Variants in ABCG1 observed in about 807,000 individuals in gnomAD.
The protein encoded by ABCG1 is ATP binding cassette subfamily G member 1, also known as ATP-binding cassette sub-family G member 1.
In ABCG1, 29 loss-of-function variants were observed where a neutral mutation model predicts 69.2. That is an observed-to-expected ratio of 0.42 (90% CI 0.31 to 0.57). The LOEUF (loss-of-function observed/expected upper bound fraction) is 0.57, where lower values mean the gene tolerates loss of function less well. ABCG1 is among the 20% of genes least tolerant of loss of function. ABCG1 has a pLI of 0.15. For synonymous variants in ABCG1, 370 were observed against 374.8 expected, an observed-to-expected ratio of 0.99 and a Z score of 0.15; for missense variants, 718 against 898.1, an observed-to-expected ratio of 0.80 and a Z score of 2.56.
intron 2 of ABCG1, among the ~76,000 whole-genome samples, chr21:42,270,164 G>A (rs1172073250): frequency 2.0e-5 from 3 of 151,224 alleles, no homozygotes; most frequent in African/African-American, 4.9e-5. Flanking sequence ...GGAGGCTGAG[G>A]CAGGAGAATG....
At chr21:42,279,267 G>C (rs756726501) in intron 5 of ABCG1, among the ~76,000 whole-genome samples, 1 of 152,172 alleles carries the variant, frequency 6.6e-6, no homozygotes, top group African/African-American at 2.4e-5. Flanking sequence ...AGAGGGAGGC[G>C]CTGGAGAGAG....
chr21:42,245,552 C>A (rs1315420828), intron 2 of ABCG1, among the ~76,000 whole-genome samples: 2 of 152,264 alleles, frequency 1.3e-5, no homozygotes, highest in African/African-American at 4.8e-5. Flanking sequence ...TGGCCAACCA[C>A]GGGGACAGGA....
chr21:42,251,957 G>T (rs2068229142), intron 2 of ABCG1, among the ~76,000 whole-genome samples: 1 of 152,234 alleles, frequency 6.6e-6, no homozygotes, highest in Admixed American at 6.5e-5. Context: ...AAGGACCAGG[G>T]AAGCTCAGGA....
At position 42,219,291 on chromosome 21, in the gene ABCG1, T is replaced by C. The variant is rs2123492080; in HGVS notation, c.29T>C (p.Val10Ala). ...GCCTGTCTGATGGCCGCTTTCTCGG[T>C]CGGCACCGCCATGGTGAGTGAGCGC... The part of the protein sequence containing the change: MACLMAAFS[V>A]GTAMNASSYS... Residue 10 changes from valine to alanine, a missense_variant, in exon 1 of 15, where the codon GTC (valine) becomes GCC (alanine). Physicochemically the swap from Val to Ala is moderately conservative, Grantham distance 64. Around this residue, in one of 2 missense-constraint regions of ABCG1, gnomAD observed 514 missense variants for 574.3 expected, o/e 0.90. Transcript: ENST00000398449. This position sits in a 1 kb window ranked among gnomAD's most constrained non-coding sequence, Gnocchi z 5.3. 6.3e-7 allele frequency: 1 copy of C among 1,593,238 alleles called. No homozygotes were observed. The highest frequency in any genetic ancestry group is 8.5e-7 in the Non-Finnish European group (1 of 1,174,100).
In ABCG1 at chr21:42,287,586, G is replaced by T. The variant is rs992082387; in HGVS notation, c.974-303G>T. On this transcript the variant is annotated intron_variant, in intron 8 of 14. Coordinates refer to ENST00000398449, the MANE Select transcript of ABCG1 (RefSeq NM_016818.3). This position sits in a 1 kb window ranked among gnomAD's most constrained non-coding sequence, Gnocchi z 6.2. ...CACCTTGGAGGCTGGCCCAGAGCAGGCATTCAGTAAGTACCGGCTGGATGA... is the reference window on the plus strand; with the variant it reads ...CACCTTGGAGGCTGGCCCAGAGCAGTCATTCAGTAAGTACCGGCTGGATGA... Among the ~76,000 whole-genome samples, 1 of 152,180 alleles carries T rather than the reference G, an allele frequency of 6.6e-6. No individual in the cohort carries two copies. Among genetic ancestry groups the T allele is most frequent in the African/African-American group, 2.4e-5 (1 of 41,448 alleles).
chr21:42,246,229 T>G (rs2068132356), intron 2 of ABCG1, among the ~76,000 whole-genome samples: 1 of 152,368 alleles, frequency 6.6e-6, no homozygotes, highest in South Asian at 2.1e-4. Flanking sequence ...AATGCACCAG[T>G]TTCTACAGAG....
intron 2 of ABCG1, chr21:42,260,211 C>T (rs1317277865): frequency 2.6e-6 from 4 of 1,545,914 alleles, no homozygotes; most frequent in Non-Finnish European, 1.7e-6. Context: ...AGTAGATGCT[C>T]ACTTCAACCC....
chr21:42,286,775 A>G (rs1228731673), intron 8 of ABCG1, among the ~76,000 whole-genome samples: 4 of 152,220 alleles, frequency 2.6e-5, no homozygotes, highest in Admixed American at 1.3e-4. Flanking sequence ...GTGGGGATGC[A>G]GAGAGGTCCT....
Position 42,291,677 on chromosome 21 carries a change from A to C in ABCG1, c.1653+21A>C, listed in dbSNP as rs2069064779. On this transcript the variant is annotated intron_variant, in intron 13 of 14. Transcript: ENST00000398449. This position sits in a 1 kb window ranked among gnomAD's most constrained non-coding sequence, Gnocchi z 6.4. Reference sequence around the variant, plus strand: ...TGCAGGTGCCAGCCCAGGAGGCGCTAAGTGAGGGCATGACGGCTGGGCTTC... The same window carrying C: ...TGCAGGTGCCAGCCCAGGAGGCGCTCAGTGAGGGCATGACGGCTGGGCTTC... 1.9e-6 allele frequency: 3 copies of C among 1,584,412 alleles called. No homozygotes were observed. The highest frequency in any genetic ancestry group is 1.7e-5 in the Admixed American group (1 of 57,664).
In ABCG1 at chr21:42,296,077, G is replaced by T. The variant is rs891035830; in HGVS notation, c.1773-87G>T. 6 of 1,141,554 alleles carry T rather than the reference G, an allele frequency of 5.3e-6. No individual in the cohort carries two copies. Among genetic ancestry groups the T allele is most frequent in the African/African-American group, 1.5e-5 (1 of 65,720 alleles). 70.7% of individuals were successfully genotyped at this position (1,141,554 alleles called of 1,614,324 possible). On this transcript the variant is annotated intron_variant, in intron 14 of 14. Transcript: ENST00000398449. This position sits in a 1 kb window ranked among gnomAD's most constrained non-coding sequence, Gnocchi z 5.4. ...AGGGAGGATAGCCAAGCTGGGAATCGCAGGGAGGGTGAACGACATTGACCT... is the reference window on the plus strand; with the variant it reads ...AGGGAGGATAGCCAAGCTGGGAATCTCAGGGAGGGTGAACGACATTGACCT...
Position 42,291,405 on chromosome 21 carries a change from C to A in ABCG1, c.1495-93C>A, listed in dbSNP as rs929256680. The A allele has an allele frequency of 1.3e-6, 2 of 1,517,620 alleles. No homozygotes were observed. The highest frequency in any genetic ancestry group is 1.8e-6 in the Non-Finnish European group (2 of 1,118,630). The allele number at this position is 1,517,620 out of a possible 1,614,324, so 94.0% of individuals were successfully genotyped here. A position where few individuals can be genotyped will look rare whatever the true frequency, so the allele number is the denominator to read the frequency against. ...CCGACTTTGGGAGCTCTGGCGGGAG[C>A]TGCGGGGAAGGGCTGGCTGCCCAGG... On this transcript the variant is annotated intron_variant, in intron 12 of 14. Coordinates refer to ENST00000398449, the MANE Select transcript of ABCG1 (RefSeq NM_016818.3). This position sits in a 1 kb window ranked among gnomAD's most constrained non-coding sequence, Gnocchi z 6.4.
At chr21:42,292,624 C>T (rs1040195442) in intron 13 of ABCG1, among the ~76,000 whole-genome samples, 6 of 151,128 alleles carry the variant, frequency 4.0e-5, no homozygotes, top group Non-Finnish European at 5.9e-5. Context: ...CCACACACTA[C>T]ACACATACCA....
At chr21:42,238,161 A>G (rs2068003220) in intron 2 of ABCG1, among the ~76,000 whole-genome samples, 1 of 152,212 alleles carries the variant, frequency 6.6e-6, no homozygotes, top group Admixed American at 6.5e-5. Flanking sequence ...CTTGGTATTT[A>G]TTAGTCTGTG....
At position 42,271,138 on chromosome 21, in the gene ABCG1, C is replaced by G. The variant is rs780522489; in HGVS notation, c.355C>G (p.Pro119Ala). 1.9e-6 allele frequency: 3 copies of G among 1,581,498 alleles called. No individual in the cohort carries two copies. Among genetic ancestry groups the G allele is most frequent in the Non-Finnish European group, 2.6e-6 (3 of 1,166,466 alleles). Residue 119 changes from proline to alanine, a missense_variant, in exon 3 of 15, where the codon CCT (proline) becomes GCT (alanine). Pro to Ala is a conservative substitution (Grantham distance 27). Transcript: ENST00000398449. ...TGGTGAGTTGGTGGCCATTATGGGT[C>G]CTTCCGGGGCCGGGAAGTCCACGCT... ...NSGELVAIMG[P>A]SGAGKSTLMN...
At position 42,290,191 on chromosome 21, in the gene ABCG1, G is replaced by C. The variant is rs1184783690; in HGVS notation, c.1366G>C (p.Ala456Pro). The change falls in exon 11 of 15, where the codon GCG becomes CCG. Residue 456 changes from alanine to proline, a missense_variant. This residue lies in a region of ABCG1 where 204 missense variants were observed against 323.8 expected (regional missense o/e 0.63). Coordinates refer to ENST00000398449, the MANE Select transcript of ABCG1 (RefSeq NM_016818.3). ...LFFSMLFLMF[A>P]ALMPTVLTFP... ...CTTCTCCATGCTGTTCCTCATGTTC[G>C]CGGCCCTCATGCCTACTGTTCTGAC... 1 of 1,614,116 alleles carries C rather than the reference G, an allele frequency of 6.2e-7. No homozygotes were observed.
Position 42,234,315 on chromosome 21 carries a change from GATA to G in ABCG1, c.286+8406_286+8408del, listed in dbSNP as rs1424266311. 6.6e-5 allele frequency among the ~76,000 whole-genome samples: 10 copies of G among 152,276 alleles called. No individual in the cohort carries two copies. The South Asian group carries it at 1.9e-3, about 28-fold the overall frequency. The stretch of plus-strand genomic sequence containing the variant: ...ATCTCTTTGCAATCGCTCAGACCCA[GATA>G]ATAAAATAAGCTGGGTTGAGTTTTC... On this transcript the variant is annotated intron_variant, in intron 2 of 14. Transcript: ENST00000398449.
In ABCG1 at chr21:42,296,033, G is replaced by T; in HGVS notation, c.1773-131G>T. The T allele has an allele frequency of 5.7e-6, 4 of 698,104 alleles. No homozygotes were observed. The Admixed American group carries it at 8.6e-5, about 15-fold the overall frequency. The allele number at this position is 698,104 out of a possible 1,614,324, so 43.2% of individuals were successfully genotyped here. Reference sequence around the variant, plus strand: ...GGTGGGCGGTGAGGAAGTATTCTGGGGAAGGCGGCCCTTTGGGAAGGGAGG... The same window carrying T: ...GGTGGGCGGTGAGGAAGTATTCTGGTGAAGGCGGCCCTTTGGGAAGGGAGG... On this transcript the variant is annotated intron_variant, in intron 14 of 14. Transcript: ENST00000398449. The surrounding 1 kb of genome is among the most constrained non-coding windows in gnomAD (Gnocchi z 5.4).
intron 2 of ABCG1, among the ~76,000 whole-genome samples, chr21:42,235,212 G>A (rs1405914622): frequency 6.6e-6 from 1 of 152,214 alleles, no homozygotes; most frequent in Non-Finnish European, 1.5e-5. Context: ...GGGGCGGCCT[G>A]CGCTCCATTC....
chr21:42,271,059 CT>C lies in ABCG1; in HGVS notation c.287-5del, dbSNP rs759680276. The C allele has an allele frequency of 6.8e-7, 1 of 1,470,422 alleles. No individual in the cohort carries two copies. The allele number at this position is 1,470,422 out of a possible 1,614,324, so 91.1% of individuals were successfully genotyped here. On this transcript the variant is annotated splice_polypyrimidine_tract_variant and intron_variant, in intron 2 of 14. Transcript: ENST00000398449. ...ATGAAATGAATATGAATATGATCTGCTTTTTTGCAGGATACAAGACCCTCCT... is the reference window on the plus strand; with the variant it reads ...ATGAAATGAATATGAATATGATCTGCTTTTTGCAGGATACAAGACCCTCCT...
Sources: allele counts gnomAD v4.1 joint callset (sites outside exome capture counted in the v4.1 genomes callset), GRCh38; gene constraint gnomAD v4.1.1; regional missense constraint gnomAD v4.1.1; non-coding constraint Gnocchi (gnomAD v3.1); transcripts MANE v1.5; gene names NCBI Gene and HGNC (gene_info 2026-07-23, HGNC 2026-07-21).